Variants in SUCLG2 observed in about 807,000 individuals in gnomAD.
SUCLG2 encodes succinate-CoA ligase GDP-forming subunit beta.
In SUCLG2, 42 loss-of-function variants were observed where a neutral mutation model predicts 47.9. The observed-to-expected ratio is 0.88, with a 90% CI of 0.69 to 1.14. The LOEUF is 1.14. Ranked by LOEUF, SUCLG2 falls within the 50% of genes most tolerant of loss-of-function variation. SUCLG2 has a pLI of 0.00. For missense variants in SUCLG2, 571 were observed against 525.9 expected, an observed-to-expected ratio of 1.09 and a Z score of -0.84; for synonymous variants, 195 against 197.3, an observed-to-expected ratio of 0.99 and a Z score of 0.10.
At chr3:67,561,948 A>G (rs116671733) in intron 2 of SUCLG2, among the ~76,000 whole-genome samples, 1,570 of 152,298 alleles carry the variant, frequency 0.01, 20 homozygotes, top group East Asian at 0.044. Flanking sequence ...TCATTTGAAA[A>G]GGTTCCTCCT....
intron 9 of SUCLG2, among the ~76,000 whole-genome samples, chr3:67,478,033 C>A (rs80020030): frequency 2.0e-5 from 3 of 152,154 alleles, no homozygotes; most frequent in African/African-American, 4.8e-5. Flanking sequence ...GATGAAGAAA[C>A]TAAGGCACAC....
intron 2 of SUCLG2, among the ~76,000 whole-genome samples, chr3:67,532,096 G>T (rs910471418): frequency 6.6e-6 from 1 of 152,138 alleles, no homozygotes; most frequent in Non-Finnish European, 1.5e-5. Flanking sequence ...CAAGCTAAAA[G>T]GACAGAGGAA....
chr3:67,587,518 G>A (rs754725146), intron 2 of SUCLG2, among the ~76,000 whole-genome samples: 4 of 152,132 alleles, frequency 2.6e-5, no homozygotes, highest in Admixed American at 6.5e-5. Context: ...AAAAGAGCTG[G>A]CATTTCTTCC....
chr3:67,636,958 T>G (rs916306843), intron 1 of SUCLG2, among the ~76,000 whole-genome samples: 4 of 152,010 alleles, frequency 2.6e-5, no homozygotes, highest in Non-Finnish European at 5.9e-5. Flanking sequence ...CAGGGAGCTG[T>G]AGAAAGTAAG....
intron 9 of SUCLG2, among the ~76,000 whole-genome samples, chr3:67,436,670 C>T (rs938547506): frequency 1.3e-5 from 2 of 152,138 alleles, no homozygotes; most frequent in South Asian, 2.1e-4. Context: ...TACTTTTCAT[C>T]AGCAAGTGTT....
chr3:67,617,630 C>G (rs1165792393), intron 1 of SUCLG2, among the ~76,000 whole-genome samples: 1 of 152,154 alleles, frequency 6.6e-6, no homozygotes, highest in Non-Finnish European at 1.5e-5. Context: ...AATTAATTAG[C>G]CCCCTGTGGC....
intron 1 of SUCLG2, among the ~76,000 whole-genome samples, chr3:67,635,168 G>A (rs1046789259): frequency 6.6e-6 from 1 of 152,194 alleles, no homozygotes; most frequent in Non-Finnish European, 1.5e-5. Context: ...TCAAATACAT[G>A]ACGAAAATCT....
intron 2 of SUCLG2, among the ~76,000 whole-genome samples, chr3:67,569,488 A>C (rs1487522615): frequency 6.6e-6 from 1 of 152,232 alleles, no homozygotes; most frequent in Non-Finnish European, 1.5e-5. Context: ...AGAAGGCTGG[A>C]CTTTGGCCTC....
intron 7 of SUCLG2, among the ~76,000 whole-genome samples, chr3:67,506,514 T>C (rs1273044100): frequency 6.6e-5 from 10 of 152,208 alleles, no homozygotes; most frequent in Admixed American, 5.9e-4. Flanking sequence ...ATTCTCTTAA[T>C]AATTAAAAAT....
chr3:67,516,684 A>G (rs1399374081), intron 6 of SUCLG2, among the ~76,000 whole-genome samples: 1 of 152,232 alleles, frequency 6.6e-6, no homozygotes, highest in African/African-American at 2.4e-5. Flanking sequence ...GCAACACAGC[A>G]GTGAGTAGGA....
At chr3:67,576,217 T>C (rs7629697) in intron 2 of SUCLG2, among the ~76,000 whole-genome samples, 2 of 152,010 alleles carry the variant, frequency 1.3e-5, no homozygotes, top group Non-Finnish European at 2.9e-5. Flanking sequence ...GTCAACACAG[T>C]TCTCAAGAAA....
intron 9 of SUCLG2, among the ~76,000 whole-genome samples, chr3:67,426,178 T>G (rs1433039048): frequency 1.3e-5 from 2 of 151,268 alleles, no homozygotes; most frequent in Admixed American, 1.3e-4. Flanking sequence ...GCTAAAAGAA[T>G]AAAAAAAACA....
intron 9 of SUCLG2, among the ~76,000 whole-genome samples, chr3:67,426,018 A>G (rs1703292307): frequency 2.0e-5 from 3 of 152,196 alleles, no homozygotes; most frequent in Admixed American, 2.0e-4. Context: ...TAACTCAATT[A>G]CCAACTGTCT....
chr3:67,450,249 C>T (rs1440651434), intron 9 of SUCLG2, among the ~76,000 whole-genome samples: 2 of 152,082 alleles, frequency 1.3e-5, no homozygotes, highest in Non-Finnish European at 2.9e-5. Context: ...GCTATGATTC[C>T]CAGGCTGATC....
chr3:67,439,199 A>G (rs960871451), intron 9 of SUCLG2, among the ~76,000 whole-genome samples: 2 of 152,238 alleles, frequency 1.3e-5, no homozygotes, highest in African/African-American at 4.8e-5. Flanking sequence ...TCTTCATGCT[A>G]AAAACTCTGA....
At chr3:67,634,025 T>A (rs1483560017) in intron 1 of SUCLG2, among the ~76,000 whole-genome samples, 1 of 152,166 alleles carries the variant, frequency 6.6e-6, no homozygotes. Context: ...AAACTAAAAT[T>A]TTCAGATGTG....
intron 1 of SUCLG2, among the ~76,000 whole-genome samples, chr3:67,646,676 A>G (rs1245356973): frequency 1.3e-5 from 2 of 152,192 alleles, no homozygotes; most frequent in Non-Finnish European, 2.9e-5. Flanking sequence ...TATCTTACAA[A>G]GAAATATAAG....
intron 2 of SUCLG2, among the ~76,000 whole-genome samples, chr3:67,607,458 A>G (rs998316537): frequency 1.3e-5 from 2 of 152,098 alleles, no homozygotes; most frequent in African/African-American, 4.8e-5. Flanking sequence ...TGTGACTGTT[A>G]GAAAACTTTA....
intron 9 of SUCLG2, among the ~76,000 whole-genome samples, chr3:67,406,386 G>A (rs886264505): frequency 2.0e-5 from 3 of 152,084 alleles, no homozygotes; most frequent in African/African-American, 7.2e-5. Flanking sequence ...TGCAAACCAC[G>A]ATAATAGTTA....
Sources: gnomAD v4.1 joint callset for allele counts (sites outside exome capture counted in the v4.1 genomes callset) on GRCh38, gnomAD v4.1.1 for gene constraint, MANE v1.5 for transcripts, NCBI Gene and HGNC (gene_info 2026-07-23, HGNC 2026-07-21) for gene names.